The following MYO10 variants were observed in gnomAD, a reference collection of about 807,000 sequenced individuals.
MYO10 encodes the protein unconventional myosin-X.
A neutral mutation model predicts 257.3 loss-of-function variants in MYO10; 133 were observed. The observed-to-expected ratio is 0.52, with a 90% CI of 0.45 to 0.60. The LOEUF is 0.60. MYO10 is among the 20% of genes least tolerant of loss of function. MYO10 has a pLI of 0.00. For missense variants in MYO10, 2,399 were observed against 2,635.7 expected, an observed-to-expected ratio of 0.91 and a Z score of 1.97; for synonymous variants, 1,104 against 1,028.6, an observed-to-expected ratio of 1.07 and a Z score of -1.40.
At chr5:16,671,802 G>A (rs1319754545) in intron 37 of MYO10, among the ~76,000 whole-genome samples, 1 of 152,182 alleles carries the variant, frequency 6.6e-6, no homozygotes. Flanking sequence ...ATTCGAATTA[G>A]TACCAGCTAA....
At chr5:16,880,839 G>T (rs1454973735) in intron 1 of MYO10, among the ~76,000 whole-genome samples, 1 of 152,150 alleles carries the variant, frequency 6.6e-6, no homozygotes, top group African/African-American at 2.4e-5. Context: ...TACGACGCTG[G>T]TCTCTCAAAT....
At chr5:16,725,908 C>T (rs1262083472) in intron 19 of MYO10, among the ~76,000 whole-genome samples, 2 of 151,960 alleles carry the variant, frequency 1.3e-5, no homozygotes, top group Non-Finnish European at 2.9e-5. Context: ...CTGCCTCAGC[C>T]TCCCAAGTAG....
At chr5:16,761,647 AATTT>A (rs998069409) in intron 16 of MYO10, 101 bp from the exon 17 acceptor site, 9 of 888,446 alleles carry the variant, frequency 1.0e-5, no homozygotes, top group Non-Finnish European at 1.4e-5. Flanking sequence ...CATTCCAAGA[AATTT>A]ATTTATTTAT....
chr5:16,775,176 T>C (rs1741178256), intron 9 of MYO10, among the ~76,000 whole-genome samples: 1 of 152,164 alleles, frequency 6.6e-6, no homozygotes, highest in Non-Finnish European at 1.5e-5. Flanking sequence ...ACCTAACACT[T>C]TAAGGGGCAA....
intron 33 of MYO10, among the ~76,000 whole-genome samples, chr5:16,679,264 C>T (rs1232904951): frequency 6.6e-6 from 1 of 152,132 alleles, no homozygotes; most frequent in Admixed American, 6.5e-5. Flanking sequence ...AGGTCTCCAA[C>T]TGAGGCTGAG....
chr5:16,689,547 C>T (rs527934040), intron 28 of MYO10, among the ~76,000 whole-genome samples: 3 of 152,034 alleles, frequency 2.0e-5, no homozygotes, highest in East Asian at 3.9e-4. Context: ...CACACGCTAC[C>T]GGTGACAGTA....
chr5:16,843,232 G>T (rs1199141274), intron 2 of MYO10, among the ~76,000 whole-genome samples: 1 of 152,026 alleles, frequency 6.6e-6, no homozygotes, highest in Non-Finnish European at 1.5e-5. Context: ...TATGCTCCAC[G>T]CCCCATTCTC....
Position 16,789,009 on chromosome 5 carries a change from A to G in MYO10, c.468-5540T>C, listed in dbSNP as rs1442091106. Among the ~76,000 whole-genome samples, 4 of 152,266 alleles carry G rather than the reference A, an allele frequency of 2.6e-5. No homozygotes were observed. The East Asian group carries it at 5.8e-4, about 22-fold the overall frequency. ...GAGGGATCCATGACACACCTGAAGG[A>G]AAAGGAATCTGATACGAGCAGGGCC... On this transcript the variant is annotated intron_variant, in intron 4 of 40. Transcript: ENST00000513610.
intron 19 of MYO10, among the ~76,000 whole-genome samples, chr5:16,716,936 CA>C (rs1433450700): frequency 6.6e-6 from 1 of 152,168 alleles, no homozygotes; most frequent in Non-Finnish European, 1.5e-5. Flanking sequence ...CAGGCTCAAG[CA>C]ATTCTCCTGC....
chr5:16,789,903 G>A lies in MYO10; in HGVS notation c.467+4743C>T, dbSNP rs531660459. 7.6e-4 allele frequency among the ~76,000 whole-genome samples: 115 copies of A among 152,200 alleles called. 1 individual carries two copies. The highest frequency in any genetic ancestry group is 1.4e-3 in the Non-Finnish European group (94 of 68,014). On this transcript the variant is annotated intron_variant, in intron 4 of 40. Transcript: ENST00000513610. ...AGCCAACCAAACAGTTCTGGGCCTCGGCTTCCCTACAGAAAATGCCTCTTG... is the reference window on the plus strand; with the variant it reads ...AGCCAACCAAACAGTTCTGGGCCTCAGCTTCCCTACAGAAAATGCCTCTTG...
chr5:16,781,127 TG>T (rs1324002164), intron 6 of MYO10, among the ~76,000 whole-genome samples: 3 of 151,932 alleles, frequency 2.0e-5, no homozygotes, highest in Non-Finnish European at 4.4e-5. Context: ...TCGCCCAGGC[TG>T]GAGTGCAGTG....
chr5:16,798,588 G>A (rs1351649659), intron 3 of MYO10, among the ~76,000 whole-genome samples: 4 of 152,156 alleles, frequency 2.6e-5, no homozygotes, highest in Non-Finnish European at 5.9e-5. Flanking sequence ...GCAGAGGTGA[G>A]GGAGCAGGCA....
chr5:16,777,781 A>G (rs1741262610), intron 9 of MYO10, among the ~76,000 whole-genome samples: 1 of 150,510 alleles, frequency 6.6e-6, no homozygotes. Context: ...ACTAAATGTC[A>G]GCTGCATTTG....
intron 19 of MYO10, among the ~76,000 whole-genome samples, chr5:16,754,575 AAAAGT>A (rs1740474905): frequency 6.6e-6 from 1 of 152,186 alleles, no homozygotes; most frequent in Admixed American, 6.5e-5. Flanking sequence ...AAAAAAAAAA[AAAAGT>A]AAAGGCTTCA....
chr5:16,931,728 C>T (rs1746300365), intron 1 of MYO10, among the ~76,000 whole-genome samples: 1 of 152,154 alleles, frequency 6.6e-6, no homozygotes, highest in South Asian at 2.1e-4. Context: ...GGGAAAGGGA[C>T]CCAGCTAATC....
At chr5:16,760,407 G>A (rs1740672081) in intron 17 of MYO10, among the ~76,000 whole-genome samples, 1 of 150,384 alleles carries the variant, frequency 6.6e-6, no homozygotes, top group Admixed American at 6.6e-5. Context: ...GTTGCAGTGA[G>A]CCGAGATTGC....
chr5:16,818,193 AT>A (rs1326416060), intron 2 of MYO10, 26 bp from the exon 3 acceptor site: 1 of 1,455,950 alleles, frequency 6.9e-7, no homozygotes, highest in Non-Finnish European at 9.2e-7. Flanking sequence ...GAATTCAATT[AT>A]TTCATTATCA....
intron 2 of MYO10, 145 bp downstream of exon 2, chr5:16,877,464 C>T (rs1488372330): frequency 3.2e-6 from 2 of 630,606 alleles, no homozygotes; most frequent in Non-Finnish European, 5.6e-6. Context: ...TTACATTCTA[C>T]ATTCCCACTG....
chr5:16,717,306 G>GA (rs1738916457), intron 19 of MYO10, among the ~76,000 whole-genome samples: 1 of 152,176 alleles, frequency 6.6e-6, no homozygotes, highest in African/African-American at 2.4e-5. Context: ...ACTCTGAAAG[G>GA]AATGAAAACT....
Sources: gnomAD v4.1 joint callset for allele counts (sites outside exome capture counted in the v4.1 genomes callset) on GRCh38, gnomAD v4.1.1 for gene constraint, MANE v1.5 for transcripts, NCBI Gene and HGNC (gene_info 2026-07-23, HGNC 2026-07-21) for gene names.